Variants in FAM162A observed in about 807,000 individuals in gnomAD.
FAM162A encodes protein FAM162A.
In FAM162A, 23 loss-of-function variants were observed where a neutral mutation model predicts 21.8. The observed-to-expected ratio is 1.05, with a 90% confidence interval of 0.76 to 1.49. The LOEUF (loss-of-function observed/expected upper bound fraction) is 1.49. Ranked by LOEUF, FAM162A falls within the 40% of genes most tolerant of loss-of-function variation. The pLI is 0.00. For missense variants in FAM162A, 165 were observed against 186.4 expected, an observed-to-expected ratio of 0.89 and a Z score of 0.67; for synonymous variants, 53 against 61.3, an observed-to-expected ratio of 0.86 and a Z score of 0.64.
At chr3:122,399,415 C>T (rs969529100) in intron 1 of FAM162A, among the ~76,000 whole-genome samples, 9 of 152,082 alleles carry the variant, frequency 5.9e-5, no homozygotes, top group Admixed American at 2.6e-4. Context: ...CCTTCGGCTC[C>T]GGGGTTCAAG....
At chr3:122,396,895 A>T (rs1197284559) in intron 1 of FAM162A, among the ~76,000 whole-genome samples, 1 of 152,222 alleles carries the variant, frequency 6.6e-6, no homozygotes, top group Non-Finnish European at 1.5e-5. Flanking sequence ...GATTCCATTT[A>T]TATAAAATGT....
At chr3:122,404,892 C>G (rs868765054) in intron 3 of FAM162A, among the ~76,000 whole-genome samples, 2 of 152,294 alleles carry the variant, frequency 1.3e-5, no homozygotes, top group African/African-American at 4.8e-5. Context: ...CCCAGTTTCT[C>G]AACTCAGTAC....
chr3:122,407,275 TA>T lies in FAM162A; in HGVS notation c.264-5del. On this transcript the variant is annotated splice_polypyrimidine_tract_variant and splice_region_variant and intron_variant, in intron 3 of 4. Transcript: ENST00000477892. ...ACTTTCTCTCATGATCTCATTGTAT[TA>T]CTAGGTTGGAGATGCTTGATGCTGC... 1 of 1,612,382 alleles carries T rather than the reference TA, an allele frequency of 6.2e-7. No individual in the cohort carries two copies.
At chr3:122,393,308 T>C (rs1247846374) in intron 1 of FAM162A, among the ~76,000 whole-genome samples, 1 of 151,710 alleles carries the variant, frequency 6.6e-6, no homozygotes, top group African/African-American at 2.4e-5. Flanking sequence ...TTTCCAGAAC[T>C]CTGGAAAATT....
intron 3 of FAM162A, among the ~76,000 whole-genome samples, chr3:122,404,987 G>GC (rs906033934): frequency 1.3e-5 from 2 of 152,128 alleles, no homozygotes; most frequent in African/African-American, 4.8e-5. Flanking sequence ...CCCGGCTTCT[G>GC]CCCCCTACAT....
At chr3:122,393,058 G>A (rs1334285995) in intron 1 of FAM162A, among the ~76,000 whole-genome samples, 1 of 152,190 alleles carries the variant, frequency 6.6e-6, no homozygotes, top group African/African-American at 2.4e-5. Context: ...GCTAAAAGCA[G>A]TTAATTTATC....
At chr3:122,390,571 A>G (rs1225904629) in intron 1 of FAM162A, among the ~76,000 whole-genome samples, 2 of 152,222 alleles carry the variant, frequency 1.3e-5, no homozygotes, top group African/African-American at 4.8e-5. Context: ...GGGGACTACC[A>G]GGAGAGAAGC....
At position 122,402,880 on chromosome 3, in the gene FAM162A, C is replaced by T; in HGVS notation, c.155C>T (p.Ser52Phe). The change falls in exon 2 of 5, where the codon TCC (serine) becomes TTC (phenylalanine). Residue 52 changes from serine (S) to phenylalanine (F), a missense_variant and splice_region_variant. Physicochemically the swap from Ser to Phe is radical, Grantham distance 155. Coordinates refer to ENST00000477892, the MANE Select transcript of FAM162A (RefSeq NM_014367.4). ...TKPQESPGAP[S>F]RTYNRVPLHK... ...CCACAGGAAAGTCCCGGAGCTCCATCCCGTAAGTTTTTATTTTTTCTATTT... is the reference window on the plus strand; with the variant it reads ...CCACAGGAAAGTCCCGGAGCTCCATTCCGTAAGTTTTTATTTTTTCTATTT... The T allele has an allele frequency of 6.3e-7, 1 of 1,585,900 alleles. No individual in the cohort carries two copies.
At chr3:122,384,398 C>A (rs2075563260) in intron 1 of FAM162A, 99 bp downstream of exon 1, 1 of 1,366,254 alleles carries the variant, frequency 7.3e-7, no homozygotes. Context: ...TGGCTCCATT[C>A]CATGACGCAC....
intron 4 of FAM162A, chr3:122,408,066 A>G (rs905311243): frequency 2.6e-5 from 4 of 152,250 alleles, no homozygotes; most frequent in African/African-American, 9.6e-5. Flanking sequence ...AAGGCCACAT[A>G]TCTCCTTAAT....
chr3:122,409,418 A>G (rs957143706), intron 4 of FAM162A, among the ~76,000 whole-genome samples: 1 of 152,178 alleles, frequency 6.6e-6, no homozygotes, highest in Non-Finnish European at 1.5e-5. Context: ...ATGAGAAGGT[A>G]TTTAGTATAA....
intron 1 of FAM162A, among the ~76,000 whole-genome samples, chr3:122,387,228 AATGATT>A (rs746397796): frequency 1.3e-5 from 2 of 152,238 alleles, no homozygotes; most frequent in African/African-American, 2.4e-5. Flanking sequence ...CTTTCCACAG[AATGATT>A]ATTAGTTCAA....
Position 122,411,532 on chromosome 3 carries a change from A to G in FAM162A, c.*1701A>G, listed in dbSNP as rs972890566. ...GGAGATTTACATTATAAATGTAGTA[A>G]CATTTATGAGCTTAAATTTAATGAA... On this transcript the variant is annotated 3_prime_UTR_variant, in exon 5 of 5. Transcript: ENST00000477892. 19 of 152,080 alleles carry G rather than the reference A, an allele frequency of 1.2e-4. No individual in the cohort carries two copies. Among genetic ancestry groups the G allele is most frequent in the African/African-American group, 4.1e-4 (17 of 41,412 alleles). The allele number at this position is 152,080 out of a possible 1,614,324, so 9.4% of individuals were successfully genotyped here. A position where few individuals can be genotyped will look rare whatever the true frequency, so the allele number is the denominator to read the frequency against.
Position 122,402,902 on chromosome 3 carries a change from A to C in FAM162A, c.157+20A>C. The stretch of plus-strand genomic sequence containing the variant: ...CATCCCGTAAGTTTTTATTTTTTCT[A>C]TTTATGGAGTTGGTAGCTCCCAAAG... On this transcript the variant is annotated intron_variant, in intron 2 of 4. Transcript: ENST00000477892. The C allele has an allele frequency of 6.3e-7, 1 of 1,580,818 alleles. No individual in the cohort carries two copies. Among genetic ancestry groups the C allele is most frequent in the Non-Finnish European group, 8.5e-7 (1 of 1,169,758 alleles).
chr3:122,406,815 A>G (rs957578725), intron 3 of FAM162A, among the ~76,000 whole-genome samples: 2 of 152,228 alleles, frequency 1.3e-5, no homozygotes, highest in Non-Finnish European at 2.9e-5. Context: ...GTTGAAACAT[A>G]TGAAGCTTAT....
At chr3:122,403,227 C>T (rs2075660907) in intron 2 of FAM162A, among the ~76,000 whole-genome samples, 1 of 152,206 alleles carries the variant, frequency 6.6e-6, no homozygotes, top group Non-Finnish European at 1.5e-5. Context: ...CGTCACACTT[C>T]TCATGTTTTA....
intron 1 of FAM162A, among the ~76,000 whole-genome samples, chr3:122,397,282 C>T (rs2075632960): frequency 6.6e-6 from 1 of 151,972 alleles, no homozygotes; most frequent in African/African-American, 2.4e-5. Flanking sequence ...CCTCTGTAAC[C>T]ATATTTTACT....
At chr3:122,405,605 G>T (rs2075673232) in intron 3 of FAM162A, among the ~76,000 whole-genome samples, 1 of 152,136 alleles carries the variant, frequency 6.6e-6, no homozygotes, top group Non-Finnish European at 1.5e-5. Context: ...TATAGGCTTT[G>T]CTATAGAACA....
At chr3:122,400,420 AGAT>A (rs2075647634) in intron 1 of FAM162A, among the ~76,000 whole-genome samples, 1 of 152,138 alleles carries the variant, frequency 6.6e-6, no homozygotes, top group South Asian at 2.1e-4. Context: ...TAGCTAATGT[AGAT>A]GACGAGTTGA....
Sources: allele counts gnomAD v4.1 joint callset (sites outside exome capture counted in the v4.1 genomes callset), GRCh38; gene constraint gnomAD v4.1.1; transcripts MANE v1.5; gene names NCBI Gene and HGNC (gene_info 2026-07-23, HGNC 2026-07-21).